CFAP47: variants seen among roughly 807,000 people sequenced by gnomAD.
The protein encoded by CFAP47 is cilia- and flagella-associated protein 47.
Under a neutral mutation model 148.1 loss-of-function variants are expected in CFAP47, and 29 were observed. That is an observed-to-expected ratio of 0.20 (90% CI 0.15 to 0.27). The LOEUF (loss-of-function observed/expected upper bound fraction) is 0.27. Ranked by LOEUF, CFAP47 falls within the 10% of genes least tolerant of loss-of-function variation. The probability of loss-of-function intolerance (pLI) is 1.00; values close to 1 mark genes in which losing one functional copy is unlikely to be tolerated. For missense variants in CFAP47, 1,872 were observed against 1,697.5 expected (o/e 1.10, Z -1.81); for synonymous variants, 664 against 577.3 (o/e 1.15, Z -2.15).
chrX:35,937,142 C>T (rs2878681), intron 2 of CFAP47, among the ~76,000 whole-genome samples: 12,036 of 66,207 alleles, frequency 0.18, 732 homozygotes, highest in South Asian at 0.45. Context: ...TTCCTGGTTT[C>T]CTCAAAACTA....
chrX:36,146,778 C>CTTTT (rs568139660), intron 36 of CFAP47, among the ~76,000 whole-genome samples: 3 of 87,785 alleles, frequency 3.4e-5, no homozygotes, highest in Admixed American at 1.2e-4. Flanking sequence ...TATTTCTTTT[C>CTTTT]TTTTTTTTTT....
Position 36,062,934 on chromosome X carries a change from C to G in CFAP47, c.4218-2709C>G, listed in dbSNP as rs1482216432. Among the ~76,000 whole-genome samples, 3 of 111,943 alleles carry G rather than the reference C, an allele frequency of 2.7e-5. No individual in the cohort carries two copies. In the South Asian group the frequency reaches 1.1e-3, roughly 41 times the overall value. Reference sequence around the variant, plus strand: ...AGACATCCGGTGGACACCACCATAACCAAATGACCAAACACAGTATTACTT... The same window carrying G: ...AGACATCCGGTGGACACCACCATAAGCAAATGACCAAACACAGTATTACTT... On this transcript the variant is annotated intron_variant, in intron 26 of 63. Coordinates refer to ENST00000378653, the MANE Select transcript of CFAP47 (RefSeq NM_001304548.2).
intron 62 of CFAP47, among the ~76,000 whole-genome samples, chrX:36,370,951 T>C (rs1431454581): frequency 2.7e-5 from 3 of 111,196 alleles, no homozygotes; most frequent in Non-Finnish European, 5.7e-5. Flanking sequence ...AACCCCATGG[T>C]GGTAGCTACT....
intron 15 of CFAP47, among the ~76,000 whole-genome samples, chrX:35,985,492 A>T (rs1936702172): frequency 9.0e-6 from 1 of 110,799 alleles, no homozygotes; most frequent in Admixed American, 9.6e-5. Context: ...GAAGGCTGTG[A>T]TGGGGGGAGA....
chrX:36,349,534 A>T (rs12013935), intron 58 of CFAP47, among the ~76,000 whole-genome samples: 1,327 of 111,936 alleles, frequency 0.012, 13 homozygotes, highest in African/African-American at 0.04. Context: ...AAGTGCTAGG[A>T]TTACAGGCAT....
chrX:36,319,938 G>A (rs1471551439), intron 57 of CFAP47, among the ~76,000 whole-genome samples: 1 of 110,998 alleles, frequency 9.0e-6, no homozygotes, highest in Non-Finnish European at 1.9e-5. Flanking sequence ...CAATTCTCCT[G>A]TCTCAGCCTC....
At chrX:35,962,754 A>T (rs1936348072) in intron 8 of CFAP47, among the ~76,000 whole-genome samples, 1 of 110,858 alleles carries the variant, frequency 9.0e-6, no homozygotes, top group African/African-American at 3.3e-5. Context: ...CTACTCCACC[A>T]ATCTCTGCTT....
chrX:36,039,424 C>G (rs1937376884), intron 25 of CFAP47, among the ~76,000 whole-genome samples: 1 of 112,184 alleles, frequency 8.9e-6, no homozygotes, highest in East Asian at 2.8e-4. Context: ...AATAAGCAAG[C>G]CTAAAAATTC....
intron 50 of CFAP47, among the ~76,000 whole-genome samples, chrX:36,283,178 T>C (rs1941098089): frequency 3.6e-5 from 4 of 111,804 alleles, no homozygotes; most frequent in Admixed American, 1.9e-4. Context: ...AGAACTTTCA[T>C]TTTCATACTA....
chrX:36,179,571 T>C (rs1291166146), intron 40 of CFAP47, 149 bp downstream of exon 40: 1 of 260,262 alleles, frequency 3.8e-6, no homozygotes, highest in Admixed American at 6.6e-5. Flanking sequence ...CAAATATATA[T>C]TTATATGTTA....
chrX:35,971,866 C>T lies in CFAP47; in HGVS notation c.2158-3C>T. On this transcript the variant is annotated splice_region_variant and splice_polypyrimidine_tract_variant and intron_variant, in intron 12 of 63. Coordinates refer to ENST00000378653, the MANE Select transcript of CFAP47 (RefSeq NM_001304548.2). The stretch of plus-strand genomic sequence containing the variant: ...AATTCTGGAAAAATATGATTTTTTA[C>T]AGGTTCTCAAAGGACTTAAATCAGA... The T allele has an allele frequency of 2.5e-6, 3 of 1,192,002 alleles. No homozygotes were observed. Among genetic ancestry groups the T allele is most frequent in the Non-Finnish European group, 2.3e-6 (2 of 882,021 alleles).
intron 62 of CFAP47, among the ~76,000 whole-genome samples, chrX:36,369,446 A>AT (rs1237630688): frequency 1.9e-4 from 21 of 110,030 alleles, no homozygotes; most frequent in South Asian, 7.7e-4. Flanking sequence ...CTGGAGAGTG[A>AT]TTTTTTTTAA....
intron 29 of CFAP47, among the ~76,000 whole-genome samples, chrX:36,081,440 C>T (rs1175746447): frequency 9.0e-6 from 1 of 111,513 alleles, no homozygotes; most frequent in Non-Finnish European, 1.9e-5. Context: ...AACAATTATA[C>T]TGATTCTATT....
chrX:36,244,092 C>T (rs942916831), intron 48 of CFAP47, among the ~76,000 whole-genome samples: 2 of 111,114 alleles, frequency 1.8e-5, no homozygotes, highest in Non-Finnish European at 3.8e-5. Context: ...TTTCTCAAAA[C>T]CACACACATA....
At chrX:36,345,333 G>T (rs1468933761) in intron 57 of CFAP47, among the ~76,000 whole-genome samples, 1 of 111,228 alleles carries the variant, frequency 9.0e-6, no homozygotes, top group Non-Finnish European at 1.9e-5. Flanking sequence ...TACAGGGTCG[G>T]GGGAGATTTT....
chrX:36,344,321 A>C (rs1941679626), intron 57 of CFAP47, among the ~76,000 whole-genome samples: 1 of 110,792 alleles, frequency 9.0e-6, no homozygotes, highest in Non-Finnish European at 1.9e-5. Flanking sequence ...AAAAAAAAAA[A>C]ACTAATTTGT....
intron 60 of CFAP47, among the ~76,000 whole-genome samples, chrX:36,354,209 C>T (rs185606297): frequency 9.9e-5 from 11 of 111,081 alleles, no homozygotes; most frequent in African/African-American, 2.9e-4. Context: ...GGGCCAGGTG[C>T]GGTGGCTCAC....
rs1569329157 is a variant in CFAP47, at chrX:36,371,689, TATATACACAC to T, written c.9185+4565_9185+4574del. On this transcript the variant is annotated intron_variant, in intron 62 of 63. Transcript: ENST00000378653. ...ATACACACATGTGTATATATGTGTG[TATATACACAC>T]ATGTGTATATATGTGTGTATATACA... Among the ~76,000 whole-genome samples, 31 of 69,686 alleles carry T rather than the reference TATATACACAC, an allele frequency of 4.4e-4. 4 individuals are homozygous for T. Among genetic ancestry groups the T allele is most frequent in the African/African-American group, 2.2e-3 (31 of 14,216 alleles). 60.5% of individuals were successfully genotyped at this position (69,686 alleles called of 115,157 possible).
chrX:36,111,225 A>G (rs1938550032), intron 33 of CFAP47, among the ~76,000 whole-genome samples: 1 of 111,518 alleles, frequency 9.0e-6, no homozygotes, highest in Non-Finnish European at 1.9e-5. Context: ...TCAGTATGAT[A>G]TTGGCTGTGG....
Sources: gnomAD v4.1 joint callset for allele counts (sites outside exome capture counted in the v4.1 genomes callset) on GRCh38, gnomAD v4.1.1 for gene constraint, MANE v1.5 for transcripts, NCBI Gene and HGNC (gene_info 2026-07-23, HGNC 2026-07-21) for gene names.